Variants in KCNT1 observed in about 807,000 individuals in gnomAD.
The protein encoded by KCNT1 is potassium sodium-activated channel subfamily T member 1.
A neutral mutation model predicts 147.8 loss-of-function variants in KCNT1; 78 were observed. That is an observed-to-expected ratio of 0.53 (90% confidence interval 0.44 to 0.64). The LOEUF (loss-of-function observed/expected upper bound fraction) is 0.64, where lower values mean the gene tolerates loss of function less well. Ranked by LOEUF, KCNT1 falls within the 30% of genes least tolerant of loss-of-function variation. The pLI, the probability that KCNT1 is intolerant of heterozygous loss-of-function variation, is 0.00. For missense variants in KCNT1, 1,419 were observed against 1,750.3 expected, an observed-to-expected ratio of 0.81 and a Z score of 3.38; for synonymous variants, 867 against 748.8, an observed-to-expected ratio of 1.16 and a Z score of -2.58.
chr9:135,741,420 G>T (rs1293192678), intron 2 of KCNT1, among the ~76,000 whole-genome samples: 1 of 152,212 alleles, frequency 6.6e-6, no homozygotes, highest in African/African-American at 2.4e-5. Context: ...CCTCTGACAC[G>T]GCTGTTGCCC....
chr9:135,744,438 G>A (rs918629662), intron 2 of KCNT1, among the ~76,000 whole-genome samples: 10 of 152,228 alleles, frequency 6.6e-5, no homozygotes, highest in Admixed American at 2.0e-4. Flanking sequence ...GGGTACACGC[G>A]GGGCCCAGGC....
chr9:135,779,810 G>A (rs1833477711), intron 24 of KCNT1, among the ~76,000 whole-genome samples: 1 of 152,272 alleles, frequency 6.6e-6, no homozygotes, highest in South Asian at 2.1e-4. Context: ...CTCCCGTGGG[G>A]AGCCCTCAGA....
At chr9:135,742,587 G>T (rs577852137) in intron 2 of KCNT1, among the ~76,000 whole-genome samples, 265 of 147,166 alleles carry the variant, frequency 1.8e-3, no homozygotes, top group African/African-American at 6.1e-3. Flanking sequence ...TCCCGTGCCC[G>T]GGGGCGCCAA....
chr9:135,704,131 C>A (rs747946702), intron 1 of KCNT1, among the ~76,000 whole-genome samples: 1 of 152,198 alleles, frequency 6.6e-6, no homozygotes, highest in Non-Finnish European at 1.5e-5. Context: ...GGGGGGAGCT[C>A]TGTGGGGCGG....
intron 1 of KCNT1, among the ~76,000 whole-genome samples, chr9:135,705,503 C>G (rs950935171): frequency 6.6e-6 from 1 of 152,220 alleles, no homozygotes; most frequent in Non-Finnish European, 1.5e-5. Flanking sequence ...GTGTGGGGCC[C>G]GCCAGCCAGC....
In KCNT1 at chr9:135,772,868, C is replaced by T; in HGVS notation, c.2162C>T (p.Ala721Val). The T allele has an allele frequency of 6.4e-7, 1 of 1,554,164 alleles. No individual in the cohort carries two copies. Among genetic ancestry groups the T allele is most frequent in the Non-Finnish European group, 8.7e-7 (1 of 1,150,088 alleles). The change falls in exon 19 of 31, where the codon GCC becomes GTC. Residue 721 changes from alanine (A) to valine (V), a missense_variant. By Grantham distance (64) the Ala-to-Val change is moderately conservative (BLOSUM62 0). Coordinates refer to ENST00000371757, the MANE Select transcript of KCNT1 (RefSeq NM_020822.3). ...GTCCTGGAACTGGCCGACAGCTCAG[C>T]CCTGCTGCCCTGCGACCTGCTGAGC... ...APVLELADSS[A>V]LLPCDLLSDQ...
At position 135,752,173 on chromosome 9, in the gene KCNT1, T is replaced by C. The variant is rs1831214344; in HGVS notation, c.434+1132T>C. Reference sequence around the variant, plus strand: ...ATCGGGGTGAACCCTGCCAGCATGCTGGTCCCCCCTCTGGCTGCGCAGAGC... The same window carrying C: ...ATCGGGGTGAACCCTGCCAGCATGCCGGTCCCCCCTCTGGCTGCGCAGAGC... On this transcript the variant is annotated intron_variant, in intron 4 of 30. Coordinates refer to ENST00000371757, the MANE Select transcript of KCNT1 (RefSeq NM_020822.3). The surrounding 1 kb of genome is among the most constrained non-coding windows in gnomAD (Gnocchi z 5.1). 5.7e-6 allele frequency: 2 copies of C among 350,320 alleles called. No homozygotes were observed. Among genetic ancestry groups the C allele is most frequent in the South Asian group, 4.3e-5 (2 of 46,394 alleles). 21.7% of individuals were successfully genotyped at this position (350,320 alleles called of 1,614,324 possible).
chr9:135,752,420 G>A lies in KCNT1; in HGVS notation c.434+1379G>A. 2.2e-6 allele frequency: 1 copy of A among 456,338 alleles called. No homozygotes were observed. The highest frequency in any genetic ancestry group is 4.4e-6 in the Non-Finnish European group (1 of 226,864). The allele number at this position is 456,338 out of a possible 1,614,324, so 28.3% of individuals were successfully genotyped here. A position where few individuals can be genotyped will look rare whatever the true frequency, so the allele number is the denominator to read the frequency against. ...ACCCACTAGGAGAGTTTGAGAAGGA[G>A]AACTGGGCCCTGACTGACTCTCAAG... On this transcript the variant is annotated intron_variant, in intron 4 of 30. Transcript: ENST00000371757. The surrounding 1 kb of genome is among the most constrained non-coding windows in gnomAD (Gnocchi z 5.1).
intron 24 of KCNT1, among the ~76,000 whole-genome samples, chr9:135,783,726 C>A (rs72771903): frequency 6.6e-6 from 1 of 152,368 alleles, no homozygotes; most frequent in South Asian, 2.1e-4. Context: ...GGCGCTTGAC[C>A]AAGCGCAGTG....
chr9:135,736,767 G>A, intron 2 of KCNT1: 1 of 378,456 alleles, frequency 2.6e-6, no homozygotes, highest in South Asian at 1.3e-4. Flanking sequence ...GGGGCTCCGT[G>A]GGCAGCGACG....
intron 1 of KCNT1, among the ~76,000 whole-genome samples, chr9:135,704,860 C>T (rs964950405): frequency 2.0e-5 from 3 of 152,178 alleles, no homozygotes; most frequent in Admixed American, 6.5e-5. Flanking sequence ...CCCAAGATAC[C>T]GCCCAGCACT....
chr9:135,762,370 C>A (rs1402397468), intron 11 of KCNT1, among the ~76,000 whole-genome samples: 1 of 152,100 alleles, frequency 6.6e-6, no homozygotes, highest in Non-Finnish European at 1.5e-5. Context: ...CGCCTGAGCC[C>A]TGAGGTTGAG....
At chr9:135,772,672 G>A in intron 18 of KCNT1, 43 bp from the exon 19 acceptor site, 2 of 1,334,090 alleles carry the variant, frequency 1.5e-6, no homozygotes, top group Non-Finnish European at 1.9e-6. Flanking sequence ...CGCCCATGGA[G>A]GGTGGGAGTC....
chr9:135,770,932 C>G lies in KCNT1; in HGVS notation c.1845C>G (p.Ile615Met). The change falls in exon 18 of 31, where the codon ATC (isoleucine) becomes ATG (methionine). Residue 615 changes from isoleucine (I) to methionine (M), a missense_variant. By Grantham distance (10) the Ile-to-Met change is conservative. This residue lies in a region of KCNT1 where 284 missense variants were observed against 292.8 expected (regional missense o/e 0.97). Coordinates refer to ENST00000371757, the MANE Select transcript of KCNT1 (RefSeq NM_020822.3). Reference sequence around the variant, plus strand: ...TGCTGAACCCGGGGCCCCGGCACATCCTGGCCGCCTCTGACACCTGCTTCT... The same window carrying G: ...TGCTGAACCCGGGGCCCCGGCACATGCTGGCCGCCTCTGACACCTGCTTCT... The part of the protein sequence containing the change: ...SILLNPGPRH[I>M]LAASDTCFYI... 6.2e-7 allele frequency: 1 copy of G among 1,612,868 alleles called. No individual in the cohort carries two copies. Among genetic ancestry groups the G allele is most frequent in the Non-Finnish European group, 8.5e-7 (1 of 1,179,484 alleles).
intron 27 of KCNT1, 30 bp from the exon 28 acceptor site, chr9:135,785,280 G>A (rs763050994): frequency 2.5e-6 from 4 of 1,612,234 alleles, no homozygotes; most frequent in African/African-American, 2.7e-5. Context: ...TGCGCCCACA[G>A]GTCCCAGACT....
At chr9:135,773,006 G>T in intron 19 of KCNT1, 57 bp downstream of exon 19, 1 of 1,231,112 alleles carries the variant, frequency 8.1e-7, no homozygotes, top group Non-Finnish European at 1.1e-6. Flanking sequence ...CATGAGTGCG[G>T]GGGATGGGTG....
rs144766991 is a variant in KCNT1, at chr9:135,759,766, C to T, written c.942C>T (p.Thr314=). The change falls in exon 11 of 31, where the codon ACC becomes ACT. Residue 314 remains threonine (T), a synonymous_variant. Coordinates refer to ENST00000371757, the MANE Select transcript of KCNT1 (RefSeq NM_020822.3). ...SFYFCIVTFS[T]VGYGDVTPKI... is the part of the protein sequence containing the mutation. ...ACTTCTGCATCGTCACCTTCTCCAC[C>T]GTGGGCTACGGTGACGTCACGCCCA... The T allele has an allele frequency of 5.2e-4, 837 of 1,613,626 alleles. 2 individuals carry two copies. Among genetic ancestry groups the T allele is most frequent in the Middle Eastern group, 1.7e-3 (10 of 6,058 alleles).
Position 135,730,026 on chromosome 9 carries a change from C to A in KCNT1, c.254+15306C>A, listed in dbSNP as rs1382348218. 6.6e-6 allele frequency among the ~76,000 whole-genome samples: 1 copy of A among 152,200 alleles called. No homozygotes were observed. Among genetic ancestry groups the A allele is most frequent in the Non-Finnish European group, 1.5e-5 (1 of 68,040 alleles). ...CTGGGACCTGGGAGGTGCAGGCTGC[C>A]TTTTTCTCTTCCTCCCTCCATCAGC... On this transcript the variant is annotated intron_variant, in intron 2 of 30. Coordinates refer to ENST00000371757, the MANE Select transcript of KCNT1 (RefSeq NM_020822.3). This position sits in a 1 kb window ranked among gnomAD's most constrained non-coding sequence, Gnocchi z 4.7.
At chr9:135,724,807 C>G (rs750152548) in intron 2 of KCNT1, among the ~76,000 whole-genome samples, 4 of 152,248 alleles carry the variant, frequency 2.6e-5, no homozygotes, top group Admixed American at 1.3e-4. Context: ...ATGAAGGCCC[C>G]GGCCACCCAC....
Sources: gnomAD v4.1 joint callset for allele counts (sites outside exome capture counted in the v4.1 genomes callset) on GRCh38, gnomAD v4.1.1 for gene constraint, gnomAD v4.1.1 regional missense constraint, Gnocchi (gnomAD v3.1) non-coding constraint, MANE v1.5 for transcripts, NCBI Gene and HGNC (gene_info 2026-07-23, HGNC 2026-07-21) for gene names.